Variants in RPSA2 observed in about 807,000 individuals in gnomAD.
RPSA2 encodes the protein ribosomal protein SA 2.
the RPSA2 span, among the ~76,000 whole-genome samples, chr19:23,852,226 T>C: frequency 6.6e-6 from 1 of 152,174 alleles, no homozygotes; most frequent in East Asian, 1.9e-4. Flanking sequence ...TCATGCAGCA[T>C]AGAAAACAAG....
the RPSA2 span, among the ~76,000 whole-genome samples, chr19:23,809,756 A>G: frequency 6.6e-6 from 1 of 151,570 alleles, no homozygotes; most frequent in Non-Finnish European, 1.5e-5. Context: ...TTTATATATA[A>G]GATTACATGG....
chr19:23,774,761 G>A, the RPSA2 span, among the ~76,000 whole-genome samples: 4 of 152,154 alleles, frequency 2.6e-5, no homozygotes, highest in Non-Finnish European at 4.4e-5. Flanking sequence ...ACTGGTCTCA[G>A]CACCCATGTG....
chr19:23,870,455 A>G, the RPSA2 span, among the ~76,000 whole-genome samples: 1 of 152,164 alleles, frequency 6.6e-6, no homozygotes, highest in South Asian at 2.1e-4. Flanking sequence ...AAGAGTATCC[A>G]TGGGACCTTG....
chr19:23,845,802 A>G, the RPSA2 span, among the ~76,000 whole-genome samples: 1 of 152,106 alleles, frequency 6.6e-6, no homozygotes, highest in Non-Finnish European at 1.5e-5. Flanking sequence ...GGCCATCCTA[A>G]TTACTTCATT....
chr19:23,843,744 GTCTTT>G, the RPSA2 span, among the ~76,000 whole-genome samples: 2 of 152,042 alleles, frequency 1.3e-5, no homozygotes, highest in South Asian at 4.2e-4. Context: ...ATATTGTCTT[GTCTTT>G]TCTTTTTTCT....
At chr19:23,840,238 C>T in the RPSA2 span, among the ~76,000 whole-genome samples, 2 of 152,196 alleles carry the variant, frequency 1.3e-5, no homozygotes, top group Non-Finnish European at 2.9e-5. Flanking sequence ...ATTTGAAGTA[C>T]CTTTTTTCTT....
chr19:23,782,397 CT>C, the RPSA2 span: 1 of 152,164 alleles, frequency 6.6e-6, no homozygotes, highest in East Asian at 1.9e-4. Flanking sequence ...ACTGCTGGGC[CT>C]AGCACTAAGA....
the RPSA2 span, among the ~76,000 whole-genome samples, chr19:23,810,335 A>G: frequency 1.4e-5 from 2 of 144,500 alleles, no homozygotes; most frequent in East Asian, 4.3e-4. Context: ...CAGAGCTTGC[A>G]GTGAACCGAG....
chr19:23,864,595 T>C, the RPSA2 span, among the ~76,000 whole-genome samples: 130 of 152,186 alleles, frequency 8.5e-4, no homozygotes, highest in Non-Finnish European at 1.5e-3. Flanking sequence ...TAGCTATGAA[T>C]TGCTTATTCT....
chr19:23,798,048 T>C, the RPSA2 span, among the ~76,000 whole-genome samples: 15 of 152,070 alleles, frequency 9.9e-5, no homozygotes, highest in African/African-American at 3.6e-4. Flanking sequence ...AAATAAATCT[T>C]TGTTATGTAT....
At chr19:23,866,504 C>T in the RPSA2 span, among the ~76,000 whole-genome samples, 1 of 146,590 alleles carries the variant, frequency 6.8e-6, no homozygotes, top group East Asian at 2.0e-4. Flanking sequence ...AAGGATCTTA[C>T]AATGTGGTGC....
the RPSA2 span, among the ~76,000 whole-genome samples, chr19:23,848,244 C>T: frequency 1.3e-5 from 2 of 152,180 alleles, no homozygotes; most frequent in African/African-American, 2.4e-5. Flanking sequence ...GCCGTGGCTC[C>T]AGCCGGTCCC....
the RPSA2 span, among the ~76,000 whole-genome samples, chr19:23,836,372 G>GACAC: frequency 6.7e-6 from 1 of 150,098 alleles, no homozygotes; most frequent in Non-Finnish European, 1.5e-5. Context: ...CACACACACA[G>GACAC]ACACACACAC....
the RPSA2 span, among the ~76,000 whole-genome samples, chr19:23,858,526 TAGTG>T: frequency 3.9e-5 from 6 of 152,192 alleles, no homozygotes; most frequent in African/African-American, 1.4e-4. Flanking sequence ...TTTAGGCAGA[TAGTG>T]AGTGCAAGGA....
the RPSA2 span, among the ~76,000 whole-genome samples, chr19:23,813,540 T>C: frequency 6.6e-6 from 1 of 152,122 alleles, no homozygotes; most frequent in Non-Finnish European, 1.5e-5. Flanking sequence ...TTTAAGATTT[T>C]TTTTAAGGCT....
the RPSA2 span, among the ~76,000 whole-genome samples, chr19:23,868,693 A>G: frequency 6.6e-6 from 1 of 152,200 alleles, no homozygotes; most frequent in Non-Finnish European, 1.5e-5. Context: ...TGGAAGAAGG[A>G]CAATGGAAAG....
chr19:23,868,666 A>G, the RPSA2 span, among the ~76,000 whole-genome samples: 1 of 152,240 alleles, frequency 6.6e-6, no homozygotes, highest in Non-Finnish European at 1.5e-5. Flanking sequence ...TTTATCTGAA[A>G]TTATTATGGA....
the RPSA2 span, among the ~76,000 whole-genome samples, chr19:23,817,023 C>CTTTAA: frequency 0.98 from 148,865 of 152,200 alleles, 72,895 homozygotes; most frequent in Middle Eastern, 1. Context: ...AAACAATATA[C>CTTTAA]TTTAATGACA....
the RPSA2 span, among the ~76,000 whole-genome samples, chr19:23,779,735 A>G: frequency 6.6e-6 from 1 of 152,190 alleles, no homozygotes; most frequent in African/African-American, 2.4e-5. Flanking sequence ...GTTTCTTGTG[A>G]CACATATCTG....
Sources: gnomAD v4.1 joint callset for allele counts (sites outside exome capture counted in the v4.1 genomes callset) on GRCh38, gnomAD v4.1.1 for gene constraint, MANE v1.5 for transcripts, NCBI Gene and HGNC (gene_info 2026-07-23, HGNC 2026-07-21) for gene names.